The following RAP1A variants were observed in gnomAD, a reference collection of about 807,000 sequenced individuals.
RAP1A encodes RAP1A, member of RAS oncogene family.
A neutral mutation model predicts 26.4 loss-of-function variants in RAP1A; 6 were observed. That is an observed-to-expected ratio of 0.23 (90% confidence interval 0.12 to 0.45). The LOEUF (loss-of-function observed/expected upper bound fraction) is 0.45, where lower values mean the gene tolerates loss of function less well. Among genes scored for constraint, RAP1A ranks in the 20% least tolerant of loss-of-function variants. RAP1A has a pLI of 0.99. For synonymous variants in RAP1A, 73 were observed against 79.4 expected, an observed-to-expected ratio of 0.92 and a Z score of 0.43; for missense variants, 121 against 217.2, an observed-to-expected ratio of 0.56 and a Z score of 2.78.
intron 1 of RAP1A, among the ~76,000 whole-genome samples, chr1:111,656,643 A>G (rs941752662): frequency 3.9e-5 from 6 of 152,156 alleles, no homozygotes; most frequent in Admixed American, 3.9e-4. Context: ...ACATGTCAGC[A>G]TTTGATAATT....
chr1:111,652,058 C>T (rs1290965670), intron 1 of RAP1A, among the ~76,000 whole-genome samples: 2 of 152,092 alleles, frequency 1.3e-5, no homozygotes, highest in Non-Finnish European at 2.9e-5. Flanking sequence ...ACTGCAACCT[C>T]AGCCTCCCAG....
chr1:111,549,194 A>G (rs1657153594), intron 1 of RAP1A, among the ~76,000 whole-genome samples: 1 of 152,096 alleles, frequency 6.6e-6, no homozygotes, highest in Non-Finnish European at 1.5e-5. Flanking sequence ...GGTCTTATAG[A>G]AGGTGTTAGG....
chr1:111,573,089 T>C (rs999835266), intron 1 of RAP1A, among the ~76,000 whole-genome samples: 6 of 152,234 alleles, frequency 3.9e-5, no homozygotes, highest in African/African-American at 1.4e-4. Context: ...TCATTCTTTA[T>C]TATGGTTGCA....
At chr1:111,570,579 A>T (rs1009294706) in intron 1 of RAP1A, among the ~76,000 whole-genome samples, 4 of 152,166 alleles carry the variant, frequency 2.6e-5, no homozygotes, top group African/African-American at 7.2e-5. Context: ...CTATAAAAGA[A>T]TACCTGAGAC....
intron 1 of RAP1A, among the ~76,000 whole-genome samples, chr1:111,658,818 G>C (rs1391743267): frequency 6.6e-6 from 1 of 152,232 alleles, no homozygotes; most frequent in Non-Finnish European, 1.5e-5. Context: ...TGCCGGATCT[G>C]TCAGTTACTG....
intron 1 of RAP1A, among the ~76,000 whole-genome samples, chr1:111,665,239 T>A (rs765847324): frequency 1.1e-4 from 17 of 152,240 alleles, no homozygotes; most frequent in Non-Finnish European, 2.2e-4. Flanking sequence ...AACTTAGTTA[T>A]AATTATGCAT....
Position 111,658,948 on chromosome 1 carries a change from T to A in RAP1A, c.-27-32386T>A, listed in dbSNP as rs572005200. 2.6e-5 allele frequency among the ~76,000 whole-genome samples: 4 copies of A among 152,330 alleles called. No homozygotes were observed. The South Asian group carries it at 8.3e-4, about 32-fold the overall frequency. On this transcript the variant is annotated intron_variant, in intron 1 of 7. Coordinates refer to ENST00000369709, the MANE Select transcript of RAP1A (RefSeq NM_002884.4). The stretch of plus-strand genomic sequence containing the variant: ...GATGCATGCACATTAAGAATTGTTA[T>A]GTCTTCTTGGAGAATTGATGCCTTT...
chr1:111,659,645 A>G (rs181975519), intron 1 of RAP1A, among the ~76,000 whole-genome samples: 120 of 151,764 alleles, frequency 7.9e-4, no homozygotes, highest in African/African-American at 2.7e-3. Context: ...ATATATATCT[A>G]CCATATTTGT....
chr1:111,601,298 C>A (rs1658666697), intron 1 of RAP1A, among the ~76,000 whole-genome samples: 1 of 152,066 alleles, frequency 6.6e-6, no homozygotes, highest in Admixed American at 6.6e-5. Flanking sequence ...GTGTCCAGGA[C>A]AATGACCATA....
intron 3 of RAP1A, among the ~76,000 whole-genome samples, chr1:111,696,430 A>G (rs574040558): frequency 6.6e-6 from 1 of 152,334 alleles, no homozygotes; most frequent in South Asian, 2.1e-4. Flanking sequence ...AAGAAACTAT[A>G]GTCCTAATTG....
chr1:111,574,781 AC>A (rs529009300), intron 1 of RAP1A, among the ~76,000 whole-genome samples: 98 of 152,370 alleles, frequency 6.4e-4, no homozygotes, highest in African/African-American at 2.1e-3. Flanking sequence ...CAAGTGTAGT[AC>A]CAGATAGGTT....
intron 1 of RAP1A, among the ~76,000 whole-genome samples, chr1:111,679,056 TAA>T (rs1322834762): frequency 6.6e-6 from 1 of 152,126 alleles, no homozygotes; most frequent in Non-Finnish European, 1.5e-5. Context: ...AGAACCCAGA[TAA>T]ATGAAAGCTC....
chr1:111,637,391 A>C (rs1053210977), intron 1 of RAP1A, among the ~76,000 whole-genome samples: 23 of 152,278 alleles, frequency 1.5e-4, no homozygotes, highest in African/African-American at 4.8e-4. Flanking sequence ...CCCCTCATGA[A>C]ATTTTAATGC....
intron 1 of RAP1A, among the ~76,000 whole-genome samples, chr1:111,600,709 C>T (rs553954026): frequency 6.6e-6 from 1 of 152,170 alleles, no homozygotes; most frequent in Admixed American, 6.5e-5. Context: ...ACCACTGGTG[C>T]CATTTACAGA....
rs781195129 is a variant in RAP1A, at chr1:111,716,226, A to T, written c.*3825A>T. On this transcript the variant is annotated 3_prime_UTR_variant, in exon 8 of 8. Coordinates refer to ENST00000369709, the MANE Select transcript of RAP1A (RefSeq NM_002884.4). Reference sequence around the variant, plus strand: ...CTTGTCCAGGGTCTGGAAAGAGCTCATCTTGCCGAGAGGGAAATAAATGTG... The same window carrying T: ...CTTGTCCAGGGTCTGGAAAGAGCTCTTCTTGCCGAGAGGGAAATAAATGTG... 11 of 152,230 alleles carry T rather than the reference A, an allele frequency of 7.2e-5. No individual in the cohort carries two copies. Among genetic ancestry groups the T allele is most frequent in the Non-Finnish European group, 1.5e-4 (10 of 68,032 alleles). The allele number at this position is 152,230 out of a possible 1,614,324, so 9.4% of individuals were successfully genotyped here.
chr1:111,629,249 G>A (rs493537), intron 1 of RAP1A, among the ~76,000 whole-genome samples: 131,816 of 152,146 alleles, frequency 0.87, 57,328 homozygotes, highest in African/African-American at 0.92. Flanking sequence ...TACTTTTAGT[G>A]TTCCTGTTTT....
chr1:111,671,513 T>A (rs530090990), intron 1 of RAP1A, among the ~76,000 whole-genome samples: 11 of 152,290 alleles, frequency 7.2e-5, no homozygotes, highest in Admixed American at 3.3e-4. Context: ...CTCATTTTGT[T>A]ACCCAGGTTG....
At chr1:111,657,666 A>G (rs543731015) in intron 1 of RAP1A, among the ~76,000 whole-genome samples, 7 of 152,088 alleles carry the variant, frequency 4.6e-5, no homozygotes, top group Non-Finnish European at 1.0e-4. Flanking sequence ...ATTCTTTTGC[A>G]TGTGAATATC....
At chr1:111,655,658 CTTTTTTTTTTTTTT>C (rs34266778) in intron 1 of RAP1A, among the ~76,000 whole-genome samples, 3 of 85,130 alleles carry the variant, frequency 3.5e-5, no homozygotes, top group African/African-American at 1.1e-4. Flanking sequence ...TGTTCATAGT[CTTTTTTTTTTTTTT>C]TTTTTTTTTT....
Sources: gnomAD v4.1 joint callset for allele counts (sites outside exome capture counted in the v4.1 genomes callset) on GRCh38, gnomAD v4.1.1 for gene constraint, MANE v1.5 for transcripts, NCBI Gene and HGNC (gene_info 2026-07-23, HGNC 2026-07-21) for gene names.